Variants in MRTFB observed in about 807,000 individuals in gnomAD.
The protein encoded by MRTFB is myocardin related transcription factor B.
MRTFB carries 29 observed loss-of-function variants against 104.2 expected under a neutral mutation model. The ratio of observed to expected loss-of-function variants is 0.28; its 90% CI spans 0.21 to 0.38. MRTFB has a LOEUF of 0.38. Among genes scored for constraint, MRTFB ranks in the 10% least tolerant of loss-of-function variants. The pLI, the probability that MRTFB is intolerant of heterozygous loss-of-function variation, is 1.00. For missense variants in MRTFB, 1,270 were observed against 1,341.6 expected (o/e 0.95, Z 0.83); for synonymous variants, 535 against 519.5 (o/e 1.03, Z -0.41).
intron 3 of MRTFB, chr16:14,200,742 G>C: frequency 6.7e-7 from 1 of 1,500,458 alleles, no homozygotes. Context: ...TTTTGGTTGG[G>C]ACTTGTTGCC....
Position 14,072,746 on chromosome 16 carries a change from T to C in MRTFB, c.-129+1381T>C, listed in dbSNP as rs117802966. Among the ~76,000 whole-genome samples the C allele has an allele frequency of 5.3e-3, 800 of 152,300 alleles. 5 individuals carry two copies. The highest frequency in any genetic ancestry group is 9.3e-3 in the Non-Finnish European group (634 of 68,022). ...AAACACCTAGGTTGGCATAACCTGT[T>C]TCTTGCGAATTAAAGAGAGAAACAA... is the stretch of plus-strand genomic sequence containing the variant. On this transcript the variant is annotated intron_variant, in intron 1 of 16. Transcript: ENST00000571589.
At chr16:14,219,910 C>T (rs138046671) in intron 8 of MRTFB, among the ~76,000 whole-genome samples, 175 of 152,204 alleles carry the variant, frequency 1.1e-3, no homozygotes, top group African/African-American at 3.8e-3. Context: ...GCATCTAGTA[C>T]AGGGCTTGGA....
Position 14,243,864 on chromosome 16 carries a change from G to GTTTGTTTTTTTTTTTTTTTTTTTTTTT in MRTFB, c.1080-1661_1080-1660insGTTTTTTTTTTTTTTTTTTTTTTTTTT, listed in dbSNP as rs750881308. On this transcript the variant is annotated intron_variant, in intron 10 of 16. Coordinates refer to ENST00000571589, the MANE Select transcript of MRTFB (RefSeq NM_001308142.2). The stretch of plus-strand genomic sequence containing the variant: ...CAGAGATTAGTTTTGCCTGTTTTGG[G>GTTTGTTTTTTTTTTTTTTTTTTTTTTT]TTTTTTTTTTTTTGAGACAGAGTCT... 2.0e-4 allele frequency among the ~76,000 whole-genome samples: 25 copies of GTTTGTTTTTTTTTTTTTTTTTTTTTTT among 124,650 alleles called. 1 individual carries two copies. Among genetic ancestry groups the GTTTGTTTTTTTTTTTTTTTTTTTTTTT allele is most frequent in the African/African-American group, 9.1e-4 (24 of 26,478 alleles). The allele number at this position is 124,650 out of a possible 152,430, so 81.8% of individuals were successfully genotyped here.
chr16:14,028,321 C>T, the MRTFB span, among the ~76,000 whole-genome samples: 1 of 152,134 alleles, frequency 6.6e-6, no homozygotes, highest in African/African-American at 2.4e-5. Flanking sequence ...CCAGGTCTTC[C>T]AGCTCGAGTT....
At chr16:14,071,784 G>A (rs2033714495) in intron 1 of MRTFB, among the ~76,000 whole-genome samples, 1 of 152,210 alleles carries the variant, frequency 6.6e-6, no homozygotes, top group South Asian at 2.1e-4. Flanking sequence ...GGTGGGAGGG[G>A]ACCGGGACCC....
At chr16:14,171,789 G>A (rs750998154) in intron 3 of MRTFB, among the ~76,000 whole-genome samples, 6 of 151,994 alleles carry the variant, frequency 3.9e-5, no homozygotes, top group Non-Finnish European at 5.9e-5. Flanking sequence ...ATTTAAACAT[G>A]TGAACTTTAT....
At chr16:14,164,471 G>A (rs1474115357) in intron 3 of MRTFB, among the ~76,000 whole-genome samples, 8 of 151,798 alleles carry the variant, frequency 5.3e-5, no homozygotes, top group African/African-American at 1.9e-4. Context: ...GGGGGATGGG[G>A]GTGTTCACAC....
chr16:14,241,048 G>C (rs2042744988), intron 10 of MRTFB: 4 of 478,302 alleles, frequency 8.4e-6, no homozygotes, highest in Admixed American at 7.8e-5. Context: ...GTAAAAAGTG[G>C]AAGACAAAAA....
At chr16:14,000,594 C>T in the MRTFB span, among the ~76,000 whole-genome samples, 1 of 152,238 alleles carries the variant, frequency 6.6e-6, no homozygotes, top group African/African-American at 2.4e-5. Context: ...GCCTTTCCAT[C>T]TTCAATCAGG....
chr16:14,241,963 C>CTAATAA (rs2042784798), intron 10 of MRTFB, among the ~76,000 whole-genome samples: 1 of 110,504 alleles, frequency 9.0e-6, no homozygotes, highest in East Asian at 2.7e-4. Context: ...GCATTGGGCA[C>CTAATAA]CAATAATAAT....
chr16:14,162,081 C>T (rs1176119262), intron 3 of MRTFB, among the ~76,000 whole-genome samples: 2 of 136,356 alleles, frequency 1.5e-5, no homozygotes, highest in African/African-American at 2.9e-5. Flanking sequence ...TTTGAGAGGC[C>T]AAGGTGGGAG....
At chr16:14,054,715 A>G in the MRTFB span, among the ~76,000 whole-genome samples, 10 of 152,290 alleles carry the variant, frequency 6.6e-5, no homozygotes, top group East Asian at 1.9e-3. Flanking sequence ...GTTCACCTTT[A>G]TATCCTCAGA....
chr16:14,003,623 G>GGCCGGCCGGCCTGCCTGCCTGCCT, the MRTFB span, among the ~76,000 whole-genome samples: 1 of 85,392 alleles, frequency 1.2e-5, no homozygotes, highest in Non-Finnish European at 2.6e-5. Context: ...GGGGCCGGCC[G>GGCCGGCCGGCCTGCCTGCCTGCCT]GCCTGCCTGC....
intron 6 of MRTFB, among the ~76,000 whole-genome samples, chr16:14,216,465 TTA>T (rs2041430685): frequency 6.6e-6 from 1 of 152,088 alleles, no homozygotes. Context: ...ATTATGGTAT[TTA>T]TAGTTTTACA....
At chr16:14,081,806 T>TC (rs2034428347) in intron 2 of MRTFB, among the ~76,000 whole-genome samples, 2 of 145,976 alleles carry the variant, frequency 1.4e-5, no homozygotes, top group Non-Finnish European at 1.5e-5. Context: ...GGTCTCAGAC[T>TC]CTGGGCTCAA....
chr16:14,222,785 T>G (rs1567184755), intron 8 of MRTFB, among the ~76,000 whole-genome samples: 1 of 151,902 alleles, frequency 6.6e-6, no homozygotes, highest in South Asian at 2.1e-4. Flanking sequence ...CCAGTCAGAA[T>G]AAAAGTCAAG....
At chr16:14,108,704 T>G (rs1365603174) in intron 2 of MRTFB, among the ~76,000 whole-genome samples, 1 of 152,254 alleles carries the variant, frequency 6.6e-6, no homozygotes, top group Admixed American at 6.5e-5. Context: ...CAGTTATTTC[T>G]CAGAATAGAA....
At chr16:13,995,380 C>A in the MRTFB span, among the ~76,000 whole-genome samples, 1 of 152,188 alleles carries the variant, frequency 6.6e-6, no homozygotes, top group Non-Finnish European at 1.5e-5. Flanking sequence ...AACCCCAGAA[C>A]TGGTTGCACT....
intron 2 of MRTFB, among the ~76,000 whole-genome samples, chr16:14,098,700 G>A (rs2035531647): frequency 6.6e-6 from 1 of 152,120 alleles, no homozygotes; most frequent in South Asian, 2.1e-4. Context: ...TTACACTTTG[G>A]TATATGACCC....
Sources: allele counts gnomAD v4.1 joint callset (sites outside exome capture counted in the v4.1 genomes callset), GRCh38; gene constraint gnomAD v4.1.1; transcripts MANE v1.5; gene names NCBI Gene and HGNC (gene_info 2026-07-23, HGNC 2026-07-21).